The following ARHGEF11 variants were observed in gnomAD, a reference collection of about 807,000 sequenced individuals.
ARHGEF11 encodes Rho guanine exchange factor (GEF) 11.
ARHGEF11 carries 55 observed loss-of-function variants against 193.7 expected under a neutral mutation model. The ratio of observed to expected loss-of-function variants is 0.28; its 90% CI spans 0.23 to 0.36. The LOEUF is 0.36. Ranked by LOEUF, ARHGEF11 falls within the 10% of genes least tolerant of loss-of-function variation. ARHGEF11 has a pLI of 1.00. For missense variants in ARHGEF11, 1,723 were observed against 2,005.6 expected, an observed-to-expected ratio of 0.86 and a Z score of 2.69; for synonymous variants, 693 against 768.0, an observed-to-expected ratio of 0.90 and a Z score of 1.62.
In ARHGEF11 at chr1:156,937,424, C is replaced by A. The variant is rs565501314; in HGVS notation, c.4265G>T (p.Ser1422Ile). ...AGGGAGGCTGTCAGGCTGAGGGGGG[C>A]TCATGGGTGCCTCTGAGTGGTCGGT... ...SSTDHSEAPM[S>I]PPQPDSLPAG... is the part of the protein sequence containing the mutation. Residue 1422 changes from serine to isoleucine, a missense_variant, in exon 39 of 41, where the codon AGC (serine) becomes ATC (isoleucine). Around this residue, in one of 5 missense-constraint regions of ARHGEF11, gnomAD observed 360 missense variants for 344.4 expected, o/e 1.05. Coordinates refer to ENST00000368194, the MANE Select transcript of ARHGEF11 (RefSeq NM_198236.3). The A allele has an allele frequency of 1.5e-5, 23 of 1,579,462 alleles. 1 individual carries two copies. In the South Asian group the frequency reaches 1.7e-4, roughly 11 times the overall value.
intron 17 of ARHGEF11, among the ~76,000 whole-genome samples, chr1:156,958,468 A>C (rs1571242328): frequency 6.6e-6 from 1 of 152,222 alleles, no homozygotes; most frequent in East Asian, 1.9e-4. Flanking sequence ...GAGGAGGGCC[A>C]GCAGGGGAAA....
At chr1:156,936,553 G>C (rs1655378098) in intron 40 of ARHGEF11, among the ~76,000 whole-genome samples, 1 of 138,764 alleles carries the variant, frequency 7.2e-6, no homozygotes, top group Non-Finnish European at 1.5e-5. Flanking sequence ...AAGTCTTAGA[G>C]GTGAGAACAG....
At position 157,044,498 on chromosome 1, in the gene ARHGEF11, T is replaced by G; in HGVS notation, c.-168A>C. On this transcript the variant is annotated 5_prime_UTR_variant, in exon 1 of 41. Coordinates refer to ENST00000368194, the MANE Select transcript of ARHGEF11 (RefSeq NM_198236.3). ...CCTGGTAACTGATGCTCCACTCTACTTCTACCAGTGAACATGATTTCCTTT... is the reference window on the plus strand; with the variant it reads ...CCTGGTAACTGATGCTCCACTCTACGTCTACCAGTGAACATGATTTCCTTT... 1 of 555,592 alleles carries G rather than the reference T, an allele frequency of 1.8e-6. No individual in the cohort carries two copies. Among genetic ancestry groups the G allele is most frequent in the South Asian group, 3.0e-5 (1 of 33,598 alleles). The allele number at this position is 555,592 out of a possible 1,614,324, so 34.4% of individuals were successfully genotyped here. A position where few individuals can be genotyped will look rare whatever the true frequency, so the allele number is the denominator to read the frequency against.
chr1:156,936,320 G>A lies in ARHGEF11; in HGVS notation c.4631-262C>T, dbSNP rs74857653. 2.9e-3 allele frequency: 1,869 copies of A among 634,602 alleles called. 24 individuals are homozygous for A. Among genetic ancestry groups the A allele is most frequent in the African/African-American group, 0.028 (1,552 of 55,028 alleles). 39.3% of individuals were successfully genotyped at this position (634,602 alleles called of 1,614,324 possible). ...CTGTGTCCCTGGCCCACCCAGTGTG[G>A]TTCTGAATCATTTAATCAGCACGAG... On this transcript the variant is annotated intron_variant, in intron 40 of 40. Coordinates refer to ENST00000368194, the MANE Select transcript of ARHGEF11 (RefSeq NM_198236.3).
Position 156,944,931 on chromosome 1 carries a change from T to G in ARHGEF11, c.2991+88A>C, listed in dbSNP as rs141507256. On this transcript the variant is annotated intron_variant, in intron 30 of 40. Transcript: ENST00000368194. ...CTATCTGGTCTCTGTCTCCTACCTC[T>G]AAGACTCTCCAAGCCCTGACCAGTG... The G allele has an allele frequency of 2.5e-4, 370 of 1,506,670 alleles. 1 individual carries two copies. The East Asian group carries it at 8.0e-3, about 32-fold the overall frequency. The allele number at this position is 1,506,670 out of a possible 1,614,324, so 93.3% of individuals were successfully genotyped here.
At chr1:156,940,057 G>C in intron 36 of ARHGEF11, 147 bp from the exon 37 acceptor site, 1 of 1,419,760 alleles carries the variant, frequency 7.0e-7, no homozygotes, top group Non-Finnish European at 9.4e-7. Flanking sequence ...GTGGGGGTTG[G>C]GTGGGGAATG....
intron 11 of ARHGEF11, among the ~76,000 whole-genome samples, chr1:156,967,311 T>G (rs1187227474): frequency 1.3e-5 from 2 of 152,210 alleles, no homozygotes; most frequent in East Asian, 3.8e-4. Context: ...CGTCTGAACG[T>G]TGTTAGACAC....
At chr1:157,015,058 G>A (rs716724) in intron 1 of ARHGEF11, among the ~76,000 whole-genome samples, 25,043 of 152,038 alleles carry the variant, frequency 0.16, 2,148 homozygotes, top group East Asian at 0.33. Flanking sequence ...TCCTCCTCTC[G>A]TATTCTCTCA....
chr1:156,960,300 A>G (rs1571253401), intron 15 of ARHGEF11, 118 bp downstream of exon 15: 7 of 957,232 alleles, frequency 7.3e-6, no homozygotes, highest in Non-Finnish European at 1.1e-5. Flanking sequence ...CTTTTCCTCT[A>G]TTACAGGACG....
chr1:157,025,182 A>T (rs1468716726), intron 1 of ARHGEF11, among the ~76,000 whole-genome samples: 6 of 152,238 alleles, frequency 3.9e-5, no homozygotes, highest in Non-Finnish European at 1.5e-5. Flanking sequence ...TGGTACAGAC[A>T]GTAAGCACTC....
rs529227147 is a variant in ARHGEF11 at position 157,009,554 on chromosome 1, A to G, written c.33-23381T>C. Among the ~76,000 whole-genome samples, 30 of 152,338 alleles carry G rather than the reference A, an allele frequency of 2.0e-4. 1 individual carries two copies. The South Asian group carries it at 6.0e-3, about 31-fold the overall frequency. On this transcript the variant is annotated intron_variant, in intron 1 of 40. Coordinates refer to ENST00000368194, the MANE Select transcript of ARHGEF11 (RefSeq NM_198236.3). ...CATCAGAAAATGGAACTCATCAAGG[A>G]GAGCTATCCTAAGGTTGGTGGTACT...
At chr1:156,947,170 T>C (rs1180944944) in intron 26 of ARHGEF11, 134 bp downstream of exon 26, 12 of 1,475,424 alleles carry the variant, frequency 8.1e-6, no homozygotes, top group Non-Finnish European at 1.1e-5. Flanking sequence ...GGTTTCAGGC[T>C]GTCCACAGAT....
At chr1:156,942,091 A>C in intron 33 of ARHGEF11, 102 bp from the exon 34 acceptor site, 1 of 1,565,904 alleles carries the variant, frequency 6.4e-7, no homozygotes, top group South Asian at 1.1e-5. Flanking sequence ...GGCCCTAAGA[A>C]CCCTCTGCCT....
chr1:156,964,724 C>T (rs1661460667), intron 11 of ARHGEF11, among the ~76,000 whole-genome samples: 4 of 152,168 alleles, frequency 2.6e-5, no homozygotes, highest in Admixed American at 1.3e-4. Flanking sequence ...CTCAAAGCTG[C>T]AGAATCAGGC....
intron 2 of ARHGEF11, among the ~76,000 whole-genome samples, chr1:156,985,159 G>A (rs761409803): frequency 6.6e-6 from 1 of 152,098 alleles, no homozygotes; most frequent in Non-Finnish European, 1.5e-5. Context: ...TGATTAAAGC[G>A]TGGGTTCTAG....
intron 37 of ARHGEF11, chr1:156,938,845 T>C: frequency 3.1e-6 from 1 of 319,858 alleles, no homozygotes; most frequent in South Asian, 5.9e-5. Context: ...CCCCATCCCA[T>C]GTGTGCCCCA....
chr1:157,017,162 T>G (rs760267664), intron 1 of ARHGEF11, among the ~76,000 whole-genome samples: 1 of 152,150 alleles, frequency 6.6e-6, no homozygotes, highest in Non-Finnish European at 1.5e-5. Flanking sequence ...TTTAAATACT[T>G]TCTTATCAAT....
intron 3 of ARHGEF11, among the ~76,000 whole-genome samples, chr1:156,982,371 G>A (rs1441003784): frequency 6.6e-6 from 1 of 152,108 alleles, no homozygotes; most frequent in Non-Finnish European, 1.5e-5. Flanking sequence ...CAATCATCTT[G>A]GGCTTAGGTG....
At chr1:156,973,817 C>A (rs939812379) in intron 7 of ARHGEF11, among the ~76,000 whole-genome samples, 1 of 152,230 alleles carries the variant, frequency 6.6e-6, no homozygotes. Context: ...TTGCTATCCT[C>A]TCCTTTTTGC....
Sources: gnomAD v4.1 joint callset for allele counts (sites outside exome capture counted in the v4.1 genomes callset) on GRCh38, gnomAD v4.1.1 for gene constraint, gnomAD v4.1.1 regional missense constraint, MANE v1.5 for transcripts, NCBI Gene and HGNC (gene_info 2026-07-23, HGNC 2026-07-21) for gene names.